The following GRM7 variants were observed in gnomAD, a reference collection of about 807,000 sequenced individuals.
GRM7 encodes the protein metabotropic glutamate receptor 7.
Under a neutral mutation model 84.5 loss-of-function variants are expected in GRM7, and 35 were observed. The observed-to-expected ratio is 0.41, with a 90% CI of 0.32 to 0.55. GRM7 has a LOEUF of 0.55. Among genes scored for constraint, GRM7 ranks in the 20% least tolerant of loss-of-function variants. The pLI is 0.19. For synonymous variants in GRM7, 487 were observed against 455.1 expected, an observed-to-expected ratio of 1.07 and a Z score of -0.89; for missense variants, 1,003 against 1,194.6, an observed-to-expected ratio of 0.84 and a Z score of 2.36.
At chr3:7,060,926 C>G (rs1697415244) in intron 1 of GRM7, among the ~76,000 whole-genome samples, 1 of 151,794 alleles carries the variant, frequency 6.6e-6, no homozygotes, top group African/African-American at 2.4e-5. Flanking sequence ...CTTCCTCTTT[C>G]ACAGTCATAC....
chr3:7,684,264 T>C (rs1017588720), intron 9 of GRM7, among the ~76,000 whole-genome samples: 1 of 152,186 alleles, frequency 6.6e-6, no homozygotes, highest in Non-Finnish European at 1.5e-5. Flanking sequence ...GCTGACTGGT[T>C]AAAAACAAAC....
At chr3:7,492,136 G>T (rs73117725) in intron 7 of GRM7, among the ~76,000 whole-genome samples, 2 of 152,036 alleles carry the variant, frequency 1.3e-5, no homozygotes, top group Admixed American at 1.3e-4. Flanking sequence ...GATTTTTTAC[G>T]TAAACTAATA....
chr3:7,191,809 T>C (rs561150132), intron 2 of GRM7, among the ~76,000 whole-genome samples: 10 of 152,028 alleles, frequency 6.6e-5, no homozygotes, highest in Admixed American at 6.6e-4. Flanking sequence ...GTGGTAGTGA[T>C]TCTACAAATC....
chr3:7,007,010 A>G (rs888037413), intron 1 of GRM7, among the ~76,000 whole-genome samples: 7 of 152,264 alleles, frequency 4.6e-5, no homozygotes, highest in Non-Finnish European at 1.0e-4. Context: ...ACCTTGGTAG[A>G]CAGCTTCCTA....
intron 1 of GRM7, among the ~76,000 whole-genome samples, chr3:6,915,832 A>T (rs1398509350): frequency 2.0e-5 from 3 of 152,202 alleles, no homozygotes; most frequent in Non-Finnish European, 1.5e-5. Context: ...TTTTAACCAA[A>T]GACTGAGTTC....
chr3:7,300,883 C>T (rs1358822805), intron 3 of GRM7, among the ~76,000 whole-genome samples: 2 of 152,136 alleles, frequency 1.3e-5, no homozygotes, highest in African/African-American at 2.4e-5. Context: ...ATGCTTCTTT[C>T]GACTTGCTTT....
chr3:7,489,547 A>G (rs190754103), intron 7 of GRM7, among the ~76,000 whole-genome samples: 79 of 152,292 alleles, frequency 5.2e-4, no homozygotes, highest in Admixed American at 2.1e-3. Context: ...CATGACATCT[A>G]TCTGTAAGGG....
intron 3 of GRM7, among the ~76,000 whole-genome samples, chr3:7,303,705 A>G (rs896723272): frequency 2.0e-5 from 3 of 151,754 alleles, no homozygotes; most frequent in African/African-American, 7.3e-5. Flanking sequence ...TAGGCCTTTC[A>G]CTTTTCTCCA....
chr3:7,686,236 G>A (rs911005207), intron 9 of GRM7: 2 of 541,714 alleles, frequency 3.7e-6, no homozygotes, highest in Non-Finnish European at 6.8e-6. Context: ...CACCAAAAGA[G>A]TGGGCATGAT....
intron 2 of GRM7, among the ~76,000 whole-genome samples, chr3:7,162,479 C>T (rs1694655566): frequency 6.6e-6 from 1 of 151,932 alleles, no homozygotes; most frequent in African/African-American, 2.4e-5. Context: ...TTGAGCTTTG[C>T]AACATGGAGA....
At chr3:7,111,251 C>T (rs1177156833) in intron 1 of GRM7, among the ~76,000 whole-genome samples, 2 of 152,104 alleles carry the variant, frequency 1.3e-5, no homozygotes, top group African/African-American at 4.8e-5. Flanking sequence ...CAGGATGACA[C>T]ATGGCCTCAC....
intron 1 of GRM7, among the ~76,000 whole-genome samples, chr3:6,971,567 A>T (rs931385010): frequency 6.6e-6 from 1 of 152,214 alleles, no homozygotes; most frequent in African/African-American, 2.4e-5. Flanking sequence ...ATTGTTCCAA[A>T]GGTGTTCTTT....
At chr3:7,298,494 T>G in intron 2 of GRM7, 190 bp from the exon 3 acceptor site, 1 of 557,062 alleles carries the variant, frequency 1.8e-6, no homozygotes, top group Non-Finnish European at 3.2e-6. Context: ...TGTAATACCA[T>G]GGAAAGTGCA....
chr3:7,217,964 A>T (rs1696670137), intron 2 of GRM7, among the ~76,000 whole-genome samples: 1 of 151,960 alleles, frequency 6.6e-6, no homozygotes, highest in Admixed American at 6.6e-5. Flanking sequence ...TTCTCTTAAT[A>T]TTATGACTTT....
intron 9 of GRM7, among the ~76,000 whole-genome samples, chr3:7,714,332 A>G (rs1278169665): frequency 3.3e-5 from 5 of 152,180 alleles, no homozygotes; most frequent in African/African-American, 1.2e-4. Context: ...AGTTATCTCA[A>G]CTTCCCAGAT....
rs867324705 is a variant in GRM7, at chr3:7,653,180, C to T, written c.2452-26869C>T. ...ACTTTCCATTGTAACATACTATATC[C>T]TTTTTTTTTTTTTTTTTTTTTTTTG... is the stretch of plus-strand genomic sequence containing the variant. On this transcript the variant is annotated intron_variant, in intron 8 of 9. Coordinates refer to ENST00000357716, the MANE Select transcript of GRM7 (RefSeq NM_000844.4). Among the ~76,000 whole-genome samples the T allele has an allele frequency of 1.9e-3, 173 of 89,534 alleles. 1 individual carries two copies. The highest frequency in any genetic ancestry group is 7.6e-3 in the African/African-American group (140 of 18,360). The allele number at this position is 89,534 out of a possible 152,430, so 58.7% of individuals were successfully genotyped here. A position where few individuals can be genotyped will look rare whatever the true frequency, so the allele number is the denominator to read the frequency against.
chr3:7,049,210 A>G (rs571034887), intron 1 of GRM7, among the ~76,000 whole-genome samples: 164 of 152,060 alleles, frequency 1.1e-3, no homozygotes, highest in African/African-American at 3.8e-3. Flanking sequence ...CTCATGTAGC[A>G]CGTTGTACTG....
chr3:6,973,419 AT>A (rs1315675084), intron 1 of GRM7, among the ~76,000 whole-genome samples: 1 of 152,224 alleles, frequency 6.6e-6, no homozygotes, highest in Non-Finnish European at 1.5e-5. Flanking sequence ...GGGAAAATGT[AT>A]ACATATACAC....
intron 4 of GRM7, among the ~76,000 whole-genome samples, chr3:7,340,760 A>G (rs1701607035): frequency 6.6e-6 from 1 of 152,200 alleles, no homozygotes; most frequent in South Asian, 2.1e-4. Context: ...AATATCCATG[A>G]GAAGCAAAAG....
Sources: gnomAD v4.1 joint callset for allele counts (sites outside exome capture counted in the v4.1 genomes callset) on GRCh38, gnomAD v4.1.1 for gene constraint, MANE v1.5 for transcripts, NCBI Gene and HGNC (gene_info 2026-07-23, HGNC 2026-07-21) for gene names.